Variants in RB1 observed in about 807,000 individuals in gnomAD.
RB1 encodes retinoblastoma-associated protein.
RB1 carries 18 observed loss-of-function variants against 135.4 expected under a neutral mutation model. The ratio of observed to expected loss-of-function variants is 0.13; its 90% CI spans 0.09 to 0.20. The LOEUF (loss-of-function observed/expected upper bound fraction) is 0.20. Ranked by LOEUF, RB1 falls within the 10% of genes least tolerant of loss-of-function variation. RB1 has a pLI of 1.00. For synonymous variants in RB1, 365 were observed against 373.2 expected (o/e 0.98, Z 0.25); for missense variants, 868 against 1,110.0 (o/e 0.78, Z 3.10).
chr13:48,339,746 A>G (rs1209093512), intron 2 of RB1, among the ~76,000 whole-genome samples: 2 of 152,132 alleles, frequency 1.3e-5, no homozygotes, highest in African/African-American at 4.8e-5. Context: ...TGCAAAAATC[A>G]CCTGTCTTCT....
At chr13:48,361,153 T>C (rs1189034558) in intron 7 of RB1, among the ~76,000 whole-genome samples, 7 of 152,158 alleles carry the variant, frequency 4.6e-5, no homozygotes, top group African/African-American at 1.2e-4. Context: ...ATTTCCTTTA[T>C]ATACCCTTTC....
At chr13:48,441,633 T>G (rs1949237720) in intron 17 of RB1, among the ~76,000 whole-genome samples, 1 of 152,134 alleles carries the variant, frequency 6.6e-6, no homozygotes, top group Non-Finnish European at 1.5e-5. Context: ...TTGTTTAATT[T>G]TTAAGTGTTA....
chr13:48,367,365 C>G, intron 9 of RB1, 129 bp from the exon 10 acceptor site: 2 of 970,596 alleles, frequency 2.1e-6, no homozygotes, highest in South Asian at 3.3e-5. Context: ...ATATTGCATG[C>G]GAACTCAGTG....
At chr13:48,473,217 A>T in intron 23 of RB1, 143 bp from the exon 24 acceptor site, 1 of 642,184 alleles carries the variant, frequency 1.6e-6, no homozygotes, top group South Asian at 1.9e-5. Context: ...TTCCCAAATG[A>T]ATATAGTTTG....
chr13:48,387,016 G>A (rs750559517), intron 17 of RB1, among the ~76,000 whole-genome samples: 2 of 152,128 alleles, frequency 1.3e-5, no homozygotes, highest in Admixed American at 6.6e-5. Context: ...GAGTTTTGGC[G>A]TAGTGTCAGA....
chr13:48,344,539 AG>A (rs942212402), intron 3 of RB1, among the ~76,000 whole-genome samples: 1 of 152,094 alleles, frequency 6.6e-6, no homozygotes. Context: ...GTCTATGCTA[AG>A]GGGTGGGGTA....
In RB1 at chr13:48,473,398, TTTTC is replaced by T. The variant is rs1949484688; in HGVS notation, c.2520+14_2520+17del. On this transcript the variant is annotated intron_variant, in intron 24 of 26. Transcript: ENST00000267163. ...ATTGGTGAATCATTCGGGGTGAGTA[TTTTC>T]TTTCTATGAAATATAATAGTATGCA... 6.4e-7 allele frequency: 1 copy of T among 1,556,178 alleles called. No homozygotes were observed. The highest frequency in any genetic ancestry group is 1.4e-5 in the African/African-American group (1 of 73,626).
At chr13:48,377,676 T>G (rs1228102535) in intron 13 of RB1, among the ~76,000 whole-genome samples, 1 of 152,244 alleles carries the variant, frequency 6.6e-6, no homozygotes, top group Non-Finnish European at 1.5e-5. Flanking sequence ...CATCAGTGTT[T>G]TAAACATTGA....
chr13:48,322,559 T>C (rs76611190), intron 2 of RB1, among the ~76,000 whole-genome samples: 1,610 of 152,308 alleles, frequency 0.011, 28 homozygotes, highest in African/African-American at 0.037. Flanking sequence ...AAATCTCCAA[T>C]AGAATGTTGA....
chr13:48,358,309 G>A (rs1005195780), intron 6 of RB1, among the ~76,000 whole-genome samples: 2 of 151,608 alleles, frequency 1.3e-5, no homozygotes, highest in Non-Finnish European at 2.9e-5. Context: ...TTTCCCCCTC[G>A]TATTGCTGGG....
chr13:48,454,997 G>T (rs1472491958), intron 18 of RB1, among the ~76,000 whole-genome samples: 1 of 152,248 alleles, frequency 6.6e-6, no homozygotes, highest in Admixed American at 6.5e-5. Flanking sequence ...TGGAGGAAAG[G>T]GACAGGGCAA....
At chr13:48,452,649 G>C (rs2138326471) in intron 17 of RB1, among the ~76,000 whole-genome samples, 1 of 151,918 alleles carries the variant, frequency 6.6e-6, no homozygotes. Context: ...ACCAAACTGT[G>C]TTTTATCTTT....
chr13:48,421,226 G>A (rs1445618373), intron 17 of RB1, among the ~76,000 whole-genome samples: 1 of 152,066 alleles, frequency 6.6e-6, no homozygotes, highest in Non-Finnish European at 1.5e-5. Context: ...CAGAAATAAT[G>A]CCACACATCT....
At chr13:48,338,871 CTGTT>C (rs1294308626) in intron 2 of RB1, among the ~76,000 whole-genome samples, 1 of 148,640 alleles carries the variant, frequency 6.7e-6, no homozygotes, top group Non-Finnish European at 1.5e-5. Context: ...GATGTCGTTT[CTGTT>C]TGTTAGTTTT....
chr13:48,422,112 C>T (rs1157255668), intron 17 of RB1, among the ~76,000 whole-genome samples: 1 of 152,100 alleles, frequency 6.6e-6, no homozygotes, highest in African/African-American at 2.4e-5. Context: ...GACTTGGAAC[C>T]CACCCAAATG....
At chr13:48,432,874 A>T (rs913526561) in intron 17 of RB1, among the ~76,000 whole-genome samples, 22 of 152,210 alleles carry the variant, frequency 1.4e-4, no homozygotes, top group Admixed American at 2.0e-4. Context: ...AAGATAGCAT[A>T]ACCCTACAAC....
At chr13:48,425,531 A>G (rs945777764) in intron 17 of RB1, among the ~76,000 whole-genome samples, 1 of 152,208 alleles carries the variant, frequency 6.6e-6, no homozygotes, top group African/African-American at 2.4e-5. Flanking sequence ...GAAAGGACCA[A>G]TTTCACTAGG....
chr13:48,465,044 T>C lies in RB1; in HGVS notation c.2258T>C (p.Ile753Thr). 1.2e-6 allele frequency: 2 copies of C among 1,609,264 alleles called. No homozygotes were observed. Among genetic ancestry groups the C allele is most frequent in the Non-Finnish European group, 8.5e-7 (1 of 1,177,946 alleles). ...LIKEEEYDSI[I>T]VFYNSVFMQR... Reference sequence around the variant, plus strand: ...AAAGAAGAGGAGTATGATTCTATTATAGTATTCTATAACTCGGTCTTCATG... The same window carrying C: ...AAAGAAGAGGAGTATGATTCTATTACAGTATTCTATAACTCGGTCTTCATG... Residue 753 changes from isoleucine to threonine, a missense_variant, in exon 22 of 27, where the codon ATA becomes ACA. Physicochemically the swap from Ile to Thr is moderately conservative, Grantham distance 89 (BLOSUM62 -1). Around this residue, in one of 3 missense-constraint regions of RB1, gnomAD observed 196 missense variants for 239.8 expected, o/e 0.82. Coordinates refer to ENST00000267163, the MANE Select transcript of RB1 (RefSeq NM_000321.3).
intron 19 of RB1, 134 bp downstream of exon 19, chr13:48,456,483 A>G (rs1949361149): frequency 1.5e-6 from 2 of 1,313,626 alleles, no homozygotes; most frequent in South Asian, 1.4e-5. Context: ...TTCCTCATCT[A>G]TAAAATGGAA....
Sources: gnomAD v4.1 joint callset for allele counts (sites outside exome capture counted in the v4.1 genomes callset) on GRCh38, gnomAD v4.1.1 for gene constraint, gnomAD v4.1.1 regional missense constraint, MANE v1.5 for transcripts, NCBI Gene and HGNC (gene_info 2026-07-23, HGNC 2026-07-21) for gene names.